The following PAK4 variants were observed in gnomAD, a reference collection of about 807,000 sequenced individuals.
The protein encoded by PAK4 is serine/threonine-protein kinase PAK 4.
In PAK4, 49 loss-of-function variants were observed where a neutral mutation model predicts 53.5. The observed-to-expected ratio is 0.92, with a 90% CI of 0.73 to 1.16. PAK4 has a LOEUF of 1.16. PAK4 is among the 50% of genes most tolerant of loss of function. The pLI is 0.00. For missense variants in PAK4, 824 were observed against 850.7 expected, an observed-to-expected ratio of 0.97 and a Z score of 0.39; for synonymous variants, 376 against 375.6, an observed-to-expected ratio of 1.00 and a Z score of -0.01.
chr19:39,175,338 T>C lies in PAK4; in HGVS notation c.1259T>C (p.Val420Ala), dbSNP rs1486172958. ...ATGAACGAGGAGCAGATCGCGGCCG[T>C]GTGCCTTGCAGTGCTGCAGGCCCTG... The change falls in exon 6 of 9, where the codon GTG becomes GCG. Residue 420 changes from valine to alanine, a missense_variant. Physicochemically the swap from Val to Ala is moderately conservative, Grantham distance 64. This residue lies in a region of PAK4 where 346 missense variants were observed against 415.0 expected (regional missense o/e 0.83). Transcript: ENST00000358301. This position sits in a 1 kb window ranked among gnomAD's most constrained non-coding sequence, Gnocchi z 4.7. The C allele has an allele frequency of 3.1e-6, 5 of 1,595,932 alleles. No individual in the cohort carries two copies. The highest frequency in any genetic ancestry group is 4.3e-6 in the Non-Finnish European group (5 of 1,172,212).
At chr19:39,155,875 C>G (rs1045310486) in intron 1 of PAK4, among the ~76,000 whole-genome samples, 2 of 152,234 alleles carry the variant, frequency 1.3e-5, no homozygotes, top group African/African-American at 4.8e-5. Context: ...GGCAAAGCCC[C>G]GGAGCCCATG....
chr19:39,156,152 G>A (rs936919011), intron 1 of PAK4, among the ~76,000 whole-genome samples: 1 of 152,202 alleles, frequency 6.6e-6, no homozygotes, highest in African/African-American at 2.4e-5. Flanking sequence ...CCTCATGGGT[G>A]AGGGGGGCAG....
chr19:39,148,556 G>A (rs2074044032), intron 1 of PAK4, among the ~76,000 whole-genome samples: 1 of 130,974 alleles, frequency 7.6e-6, no homozygotes, highest in African/African-American at 2.9e-5. Flanking sequence ...CTGGGTTCAA[G>A]TGATGCTTCT....
At chr19:39,139,268 T>C (rs992347522) in intron 1 of PAK4, among the ~76,000 whole-genome samples, 2 of 152,204 alleles carry the variant, frequency 1.3e-5, no homozygotes, top group African/African-American at 4.8e-5. Context: ...GCACGGCCCC[T>C]TGCCAGTTCT....
intron 7 of PAK4, 117 bp from the exon 9 acceptor site, chr19:39,177,558 G>A: frequency 8.6e-7 from 1 of 1,167,040 alleles, no homozygotes; most frequent in Non-Finnish European, 1.2e-6. Context: ...GGAGTTCTGG[G>A]CCAAGGACTC....
chr19:39,171,028 C>T (rs1404489675), intron 2 of PAK4, among the ~76,000 whole-genome samples: 4 of 152,224 alleles, frequency 2.6e-5, no homozygotes, highest in Non-Finnish European at 5.9e-5. Context: ...TCCAAAAACC[C>T]AGCCCCTGCC....
At position 39,173,025 on chromosome 19, in the gene PAK4, C is replaced by T. The variant is rs1241899790; in HGVS notation, c.312C>T (p.Ser104=). 1 of 1,549,120 alleles carries T rather than the reference C, an allele frequency of 6.5e-7. No homozygotes were observed. The highest frequency in any genetic ancestry group is 8.7e-7 in the Non-Finnish European group (1 of 1,146,890). ...GCTCCAACTCCCTGCGGAGAGACAG[C>T]CCGCCGCCGCCCGCCCGTGCCCGCC... Residue 104 remains serine (S), a synonymous_variant, in exon 3 of 9, where the codon AGC becomes AGT. Transcript: ENST00000358301. This position sits in a 1 kb window ranked among gnomAD's most constrained non-coding sequence, Gnocchi z 6.9.
intron 2 of PAK4, among the ~76,000 whole-genome samples, chr19:39,170,532 C>T (rs574002597): frequency 6.6e-6 from 1 of 152,314 alleles, no homozygotes; most frequent in African/African-American, 2.4e-5. Flanking sequence ...GGCCTGAGCC[C>T]GTGCTGGGCC....
intron 1 of PAK4, among the ~76,000 whole-genome samples, chr19:39,131,649 G>A (rs1008347693): frequency 2.6e-5 from 4 of 152,214 alleles, no homozygotes; most frequent in African/African-American, 9.6e-5. Flanking sequence ...GGGAGCCAGC[G>A]CTGGCGGATG....
At chr19:39,142,238 A>C (rs2073922759) in intron 1 of PAK4, among the ~76,000 whole-genome samples, 2 of 152,126 alleles carry the variant, frequency 1.3e-5, no homozygotes, top group African/African-American at 4.8e-5. Context: ...GCCAGCTGAT[A>C]CATCCTTGTG....
intron 1 of PAK4, among the ~76,000 whole-genome samples, chr19:39,153,732 C>G (rs2074131902): frequency 6.6e-6 from 1 of 152,122 alleles, no homozygotes; most frequent in African/African-American, 2.4e-5. Context: ...GTGAACCACC[C>G]CACCTGGCCT....
In PAK4 at chr19:39,169,590, G is replaced by A. The variant is rs753086242; in HGVS notation, c.37G>A (p.Ala13Thr). The A allele has an allele frequency of 9.3e-6, 15 of 1,613,436 alleles. No individual in the cohort carries two copies. Among genetic ancestry groups the A allele is most frequent in the East Asian group, 2.2e-5 (1 of 44,844 alleles). The change falls in exon 2 of 9, where the codon GCG becomes ACG. Residue 13 changes from alanine (A) to threonine (T), a missense_variant. This residue lies in a region of PAK4 where 478 missense variants were observed against 435.8 expected (regional missense o/e 1.10). Coordinates refer to ENST00000358301, the Ensembl canonical transcript of PAK4. ...GAGGAAGAAGCGGGTGGAGATCTCC[G>A]CGCCGTCCAACTTCGAGCACCGCGT... is the stretch of plus-strand genomic sequence containing the variant.
chr19:39,138,272 C>T (rs1600316656), intron 1 of PAK4, among the ~76,000 whole-genome samples: 4 of 152,014 alleles, frequency 2.6e-5, no homozygotes, highest in South Asian at 2.1e-4. Flanking sequence ...AGGCTAGTCT[C>T]AAACTCCTGA....
chr19:39,174,566 C>T (rs1233195950), intron 4 of PAK4, among the ~76,000 whole-genome samples: 1 of 152,102 alleles, frequency 6.6e-6, no homozygotes, highest in African/African-American at 2.4e-5. Flanking sequence ...CGGGCTGCAC[C>T]ATGGAGCTCC....
intron 1 of PAK4, chr19:39,152,514 C>G (rs2074109537): frequency 6.6e-6 from 1 of 151,942 alleles, no homozygotes; most frequent in Non-Finnish European, 1.5e-5. Flanking sequence ...AAGTATTGAA[C>G]CTAATAAGGA....
chr19:39,133,676 G>A (rs71356838), intron 1 of PAK4, among the ~76,000 whole-genome samples: 35,647 of 152,128 alleles, frequency 0.23, 4,510 homozygotes, highest in East Asian at 0.4. Context: ...CACCTTGAGG[G>A]TTGGGAGCAC....
intron 1 of PAK4, among the ~76,000 whole-genome samples, chr19:39,130,896 G>A (rs748527475): frequency 2.4e-4 from 36 of 151,258 alleles, no homozygotes; most frequent in Admixed American, 1.6e-3. Context: ...GGGGGGTGGC[G>A]ACAGGGAGGC....
chr19:39,143,638 A>G (rs2073949900), intron 1 of PAK4, among the ~76,000 whole-genome samples: 1 of 134,540 alleles, frequency 7.4e-6, no homozygotes, highest in Non-Finnish European at 1.6e-5. Context: ...TGTTGAGTGC[A>G]TGAATGAATA....
intron 1 of PAK4, among the ~76,000 whole-genome samples, chr19:39,160,974 G>C (rs965807159): frequency 6.6e-6 from 1 of 152,244 alleles, no homozygotes; most frequent in African/African-American, 2.4e-5. Flanking sequence ...CTGTGGGACA[G>C]AGTGGCTGCT....
Sources: gnomAD v4.1 joint callset for allele counts (sites outside exome capture counted in the v4.1 genomes callset) on GRCh38, gnomAD v4.1.1 for gene constraint, gnomAD v4.1.1 regional missense constraint, Gnocchi (gnomAD v3.1) non-coding constraint, MANE v1.5 for transcripts, NCBI Gene and HGNC (gene_info 2026-07-23, HGNC 2026-07-21) for gene names.